The following ZNF804A variants were observed in gnomAD, a reference collection of about 807,000 sequenced individuals.
ZNF804A encodes the protein zinc finger protein 804A.
ZNF804A carries 2 observed loss-of-function variants against 16.5 expected under a neutral mutation model. The ratio of observed to expected loss-of-function variants is 0.12; its 90% CI spans 0.05 to 0.38. The LOEUF is 0.38. ZNF804A is among the 10% of genes least tolerant of loss of function. The probability of loss-of-function intolerance (pLI) is 0.99; values close to 1 mark genes in which losing one functional copy is unlikely to be tolerated. For missense variants in ZNF804A, 1,473 were observed against 1,390.7 expected (o/e 1.06, Z -0.94); for synonymous variants, 534 against 489.6 (o/e 1.09, Z -1.20).
At chr2:184,675,508 A>G (rs111733564) in intron 1 of ZNF804A, among the ~76,000 whole-genome samples, 6 of 151,818 alleles carry the variant, frequency 4.0e-5, no homozygotes, top group African/African-American at 1.4e-4. Flanking sequence ...AAATCACTGC[A>G]TGTAGAGCAA....
intron 1 of ZNF804A, among the ~76,000 whole-genome samples, chr2:184,776,390 A>T (rs954362967): frequency 6.6e-6 from 1 of 151,448 alleles, no homozygotes; most frequent in African/African-American, 2.4e-5. Flanking sequence ...TCTACTATAA[A>T]TTTTGTTTTA....
At chr2:184,841,336 A>C (rs1695433609) in intron 1 of ZNF804A, among the ~76,000 whole-genome samples, 1 of 152,302 alleles carries the variant, frequency 6.6e-6, no homozygotes, top group South Asian at 2.1e-4. Context: ...TACTAAACAG[A>C]ATTTCAAAAC....
At chr2:184,602,657 G>A (rs767803476) in intron 1 of ZNF804A, among the ~76,000 whole-genome samples, 5 of 151,888 alleles carry the variant, frequency 3.3e-5, no homozygotes, top group Non-Finnish European at 5.9e-5. Flanking sequence ...TTTGGGATTT[G>A]TCTTGGGAAA....
At chr2:184,882,006 A>G (rs1339412958) in intron 2 of ZNF804A, among the ~76,000 whole-genome samples, 1 of 152,108 alleles carries the variant, frequency 6.6e-6, no homozygotes. Flanking sequence ...TAAGTTGGAT[A>G]AAAAGCAAGA....
intron 1 of ZNF804A, among the ~76,000 whole-genome samples, chr2:184,756,387 T>C (rs1018877741): frequency 3.3e-5 from 5 of 151,952 alleles, no homozygotes; most frequent in African/African-American, 1.2e-4. Flanking sequence ...CATCTTAAAT[T>C]TGCGTAAATT....
At chr2:184,828,043 T>C (rs1695196363) in intron 1 of ZNF804A, among the ~76,000 whole-genome samples, 1 of 146,544 alleles carries the variant, frequency 6.8e-6, no homozygotes, top group Non-Finnish European at 1.5e-5. Context: ...TCATTAATGG[T>C]GGCATGAGTT....
chr2:184,738,527 A>G (rs1287883408), intron 1 of ZNF804A, among the ~76,000 whole-genome samples: 5 of 152,216 alleles, frequency 3.3e-5, no homozygotes, highest in Non-Finnish European at 7.3e-5. Context: ...ATTATTGTAA[A>G]TTAGAACATA....
At chr2:184,712,826 T>C (rs1329683143) in intron 1 of ZNF804A, among the ~76,000 whole-genome samples, 3 of 151,732 alleles carry the variant, frequency 2.0e-5, no homozygotes, top group African/African-American at 4.8e-5. Flanking sequence ...TTCAGTTTAG[T>C]TATACTCATC....
intron 2 of ZNF804A, among the ~76,000 whole-genome samples, chr2:184,882,816 A>G (rs547232187): frequency 1.1e-4 from 16 of 152,110 alleles, no homozygotes; most frequent in Middle Eastern, 3.4e-3. Flanking sequence ...AGCACTAAAT[A>G]TCCACATTAA....
rs1047998471 is a variant in ZNF804A, at chr2:184,598,660, G to A, written c.-300G>A. 21 of 206,344 alleles carry A rather than the reference G, an allele frequency of 1.0e-4. No homozygotes were observed. Among genetic ancestry groups the A allele is most frequent in the Non-Finnish European group, 1.6e-4 (17 of 103,852 alleles). The allele number at this position is 206,344 out of a possible 1,614,324, so 12.8% of individuals were successfully genotyped here. On this transcript the variant is annotated 5_prime_UTR_variant, in exon 1 of 4. Transcript: ENST00000302277. Reference sequence around the variant, plus strand: ...ACTGACTCCCGCTCGGTTCCGTTTCGCCGGCCCGGCCCCCTCCTAGGCTGG... The same window carrying A: ...ACTGACTCCCGCTCGGTTCCGTTTCACCGGCCCGGCCCCCTCCTAGGCTGG...
chr2:184,825,466 T>G (rs1695148712), intron 1 of ZNF804A, among the ~76,000 whole-genome samples: 1 of 152,098 alleles, frequency 6.6e-6, no homozygotes, highest in Non-Finnish European at 1.5e-5. Flanking sequence ...GAGACAGATA[T>G]AACTCAAATA....
chr2:184,908,867 A>G (rs1685318039), intron 2 of ZNF804A, among the ~76,000 whole-genome samples: 2 of 152,260 alleles, frequency 1.3e-5, no homozygotes, highest in South Asian at 4.1e-4. Flanking sequence ...TTAAGCAAAT[A>G]TCCAGTAAAG....
Position 184,936,540 on chromosome 2 carries a change from C to A in ZNF804A, c.1144C>A (p.His382Asn). The A allele has an allele frequency of 6.2e-7, 1 of 1,613,960 alleles. No individual in the cohort carries two copies. Among genetic ancestry groups the A allele is most frequent in the Non-Finnish European group, 8.5e-7 (1 of 1,179,946 alleles). Reference sequence around the variant, plus strand: ...AGCTACCACAGAGGAAAATGTTAAGCATAACGAGGCATCCACAACTGAGGT... The same window carrying A: ...AGCTACCACAGAGGAAAATGTTAAGAATAACGAGGCATCCACAACTGAGGT... ...VQATTEENVK[H>N]NEASTTEVEN... The change falls in exon 4 of 4, where the codon CAT (histidine) becomes AAT (asparagine). Residue 382 changes from histidine to asparagine, a missense_variant. By Grantham distance (68) the His-to-Asn change is moderately conservative. Transcript: ENST00000302277.
chr2:184,800,731 A>T (rs1338182215), intron 1 of ZNF804A, among the ~76,000 whole-genome samples: 1 of 151,964 alleles, frequency 6.6e-6, no homozygotes, highest in Non-Finnish European at 1.5e-5. Context: ...TGTAGTGTTG[A>T]TACTTTATAA....
At chr2:184,788,222 C>T (rs115349049) in intron 1 of ZNF804A, among the ~76,000 whole-genome samples, 6,036 of 151,830 alleles carry the variant, frequency 0.04, 385 homozygotes, top group African/African-American at 0.13. Flanking sequence ...ACCAGTACCA[C>T]GCTGTTTTTG....
At chr2:184,807,291 A>C (rs1173744470) in intron 1 of ZNF804A, among the ~76,000 whole-genome samples, 1 of 151,882 alleles carries the variant, frequency 6.6e-6, no homozygotes, top group African/African-American at 2.4e-5. Flanking sequence ...TAATTATGCT[A>C]TCAACTTGTG....
intron 1 of ZNF804A, among the ~76,000 whole-genome samples, chr2:184,801,265 T>A (rs1694721826): frequency 6.6e-6 from 1 of 152,174 alleles, no homozygotes; most frequent in East Asian, 1.9e-4. Context: ...AATAAATGCT[T>A]AAGTGTAGAA....
chr2:184,725,089 G>A, intron 1 of ZNF804A, among the ~76,000 whole-genome samples: 1 of 151,620 alleles, frequency 6.6e-6, no homozygotes, highest in Admixed American at 6.6e-5. Flanking sequence ...ACAGTGATTA[G>A]CTACTAGGAC....
At chr2:184,905,312 A>C (rs902831239) in intron 2 of ZNF804A, among the ~76,000 whole-genome samples, 4 of 152,078 alleles carry the variant, frequency 2.6e-5, no homozygotes, top group African/African-American at 9.7e-5. Flanking sequence ...ACTGATTCTT[A>C]TGTTTAATGT....
Sources: allele counts gnomAD v4.1 joint callset (sites outside exome capture counted in the v4.1 genomes callset), GRCh38; gene constraint gnomAD v4.1.1; transcripts MANE v1.5; gene names NCBI Gene and HGNC (gene_info 2026-07-23, HGNC 2026-07-21).